The following KCNMA1 variants were observed in gnomAD, a reference collection of about 807,000 sequenced individuals.
The protein encoded by KCNMA1 is Calcium-activated potassium channel subunit alpha-1.
In KCNMA1, 29 loss-of-function variants were observed where a neutral mutation model predicts 140.0. The ratio of observed to expected loss-of-function variants is 0.21; its 90% confidence interval spans 0.15 to 0.28. The LOEUF (loss-of-function observed/expected upper bound fraction) is 0.28, where lower values mean the gene tolerates loss of function less well. Ranked by LOEUF, KCNMA1 falls within the 10% of genes least tolerant of loss-of-function variation. The pLI, the probability that KCNMA1 is intolerant of heterozygous loss-of-function variation, is 1.00. For synonymous variants in KCNMA1, 612 were observed against 611.9 expected (o/e 1.00, Z 0.00); for missense variants, 880 against 1,602.2 (o/e 0.55, Z 7.70).
chr10:77,262,138 C>T (rs1293110663), intron 2 of KCNMA1, among the ~76,000 whole-genome samples: 1 of 152,004 alleles, frequency 6.6e-6, no homozygotes, highest in African/African-American at 2.4e-5. Flanking sequence ...TTTGTTGCAG[C>T]CAAAAGGTAG....
rs949404552 is a variant in KCNMA1 at position 76,885,791 on chromosome 10, A to T, written c.*1475T>A. Reference sequence around the variant, plus strand: ...AAAGCATCTGACAACTATATGTTGAAAAAAGGGTATTTTTCTACCTCTCCT... The same window carrying T: ...AAAGCATCTGACAACTATATGTTGATAAAAGGGTATTTTTCTACCTCTCCT... On this transcript the variant is annotated 3_prime_UTR_variant, in exon 28 of 28. Transcript: ENST00000286628. 7 of 985,144 alleles carry T rather than the reference A, an allele frequency of 7.1e-6. No homozygotes were observed. The African/African-American group carries it at 1.2e-4, about 17-fold the overall frequency. The allele number at this position is 985,144 out of a possible 1,614,324, so 61.0% of individuals were successfully genotyped here. A position where few individuals can be genotyped will look rare whatever the true frequency, so the allele number is the denominator to read the frequency against.
chr10:76,890,309 T>C (rs920972024), intron 26 of KCNMA1, among the ~76,000 whole-genome samples: 3 of 152,294 alleles, frequency 2.0e-5, no homozygotes, highest in Middle Eastern at 3.4e-3. Flanking sequence ...ACCTGTATTA[T>C]ATGAAGGGCA....
chr10:77,168,835 C>T (rs1564946402), intron 5 of KCNMA1, among the ~76,000 whole-genome samples: 1 of 152,130 alleles, frequency 6.6e-6, no homozygotes, highest in Non-Finnish European at 1.5e-5. Flanking sequence ...AACATAGCTG[C>T]AAATCTAGAC....
intron 2 of KCNMA1, among the ~76,000 whole-genome samples, chr10:77,269,262 C>A (rs1394720135): frequency 2.0e-5 from 3 of 152,238 alleles, no homozygotes; most frequent in African/African-American, 7.2e-5. Context: ...CAAATCCATA[C>A]TGAGTTGTTA....
At chr10:77,378,218 T>C (rs1198266218) in intron 2 of KCNMA1, among the ~76,000 whole-genome samples, 1 of 152,190 alleles carries the variant, frequency 6.6e-6, no homozygotes, top group African/African-American at 2.4e-5. Flanking sequence ...CTCACTCATC[T>C]GGGTGGAATG....
At chr10:76,872,108 T>C (rs1478836064) in exon 28 of KCNMA1, 1 of 152,232 alleles carries the variant, frequency 6.6e-6, no homozygotes, top group Non-Finnish European at 1.5e-5. Flanking sequence ...TGCCTCATGT[T>C]CTTATTATAT....
intron 17 of KCNMA1, among the ~76,000 whole-genome samples, chr10:77,012,768 A>G (rs548914766): frequency 4.4e-4 from 67 of 152,334 alleles, no homozygotes; most frequent in Non-Finnish European, 7.1e-4. Context: ...TTATTGAAGC[A>G]ATAGGTAGGT....
chr10:77,108,407 CAAAA>C lies in KCNMA1; in HGVS notation c.1223+70_1223+73del, dbSNP rs35119991. ...ATGCATGAAACAAAGAAACAAGAGC[CAAAA>C]AAAAAAAAAAATGGCATGCAGAGAG... is the stretch of plus-strand genomic sequence containing the variant. On this transcript the variant is annotated intron_variant, in intron 9 of 27. Coordinates refer to ENST00000286628, the MANE Select transcript of KCNMA1 (RefSeq NM_001161352.2). The surrounding 1 kb of genome is among the most constrained non-coding windows in gnomAD (Gnocchi z 4.6). 0.11 allele frequency: 123,297 copies of C among 1,099,382 alleles called. 15 individuals are homozygous for C. Among genetic ancestry groups the C allele is most frequent in the South Asian group, 0.13 (7,918 of 60,626 alleles). The allele number at this position is 1,099,382 out of a possible 1,614,324, so 68.1% of individuals were successfully genotyped here. A position where few individuals can be genotyped will look rare whatever the true frequency, so the allele number is the denominator to read the frequency against.
At chr10:77,363,416 A>G (rs2094133855) in intron 2 of KCNMA1, among the ~76,000 whole-genome samples, 1 of 152,176 alleles carries the variant, frequency 6.6e-6, no homozygotes, top group Admixed American at 6.5e-5. Flanking sequence ...AAGGACACTC[A>G]ATGCCACTCC....
intron 13 of KCNMA1, among the ~76,000 whole-genome samples, chr10:77,078,691 A>C (rs1272062336): frequency 1.3e-5 from 2 of 152,146 alleles, no homozygotes; most frequent in Non-Finnish European, 2.9e-5. Flanking sequence ...CTACACCTTA[A>C]CTGCTAAATC....
intron 1 of KCNMA1, among the ~76,000 whole-genome samples, chr10:77,545,955 A>G (rs1405550678): frequency 1.3e-5 from 2 of 151,898 alleles, no homozygotes; most frequent in African/African-American, 4.8e-5. Context: ...CAAGCCCCCC[A>G]GCCCCCTGGG....
chr10:77,589,664 T>C (rs1052572994), intron 1 of KCNMA1, among the ~76,000 whole-genome samples: 3 of 152,042 alleles, frequency 2.0e-5, no homozygotes, highest in African/African-American at 7.3e-5. Context: ...GTCTGGAGTT[T>C]GTTCCTTCTG....
intron 13 of KCNMA1, among the ~76,000 whole-genome samples, chr10:77,074,006 A>T (rs1336802773): frequency 2.0e-5 from 3 of 152,220 alleles, no homozygotes; most frequent in Non-Finnish European, 2.9e-5. Context: ...CATAGAAAAT[A>T]CATTGGATGA....
intron 1 of KCNMA1, among the ~76,000 whole-genome samples, chr10:77,590,538 G>A (rs970085384): frequency 3.9e-5 from 6 of 152,212 alleles, no homozygotes; most frequent in Non-Finnish European, 5.9e-5. Context: ...CGCAAGCACC[G>A]CTGGCAGCCC....
intron 23 of KCNMA1, among the ~76,000 whole-genome samples, chr10:76,927,734 C>T (rs1020139223): frequency 4.6e-5 from 7 of 152,050 alleles, no homozygotes; most frequent in South Asian, 2.1e-4. Flanking sequence ...CACCACTTCG[C>T]GAAATCCTTG....
intron 2 of KCNMA1, among the ~76,000 whole-genome samples, chr10:77,380,199 T>A (rs2095333022): frequency 6.6e-6 from 1 of 152,182 alleles, no homozygotes; most frequent in African/African-American, 2.4e-5. Flanking sequence ...GGCATCACAC[T>A]CACTGTCACC....
intron 14 of KCNMA1, among the ~76,000 whole-genome samples, chr10:77,047,263 T>A (rs1172729944): frequency 1.3e-5 from 2 of 152,216 alleles, no homozygotes; most frequent in Non-Finnish European, 1.5e-5. Flanking sequence ...AATTTCGGAA[T>A]GGACTTGAGC....
chr10:77,326,694 T>C (rs1329948485), intron 2 of KCNMA1, among the ~76,000 whole-genome samples: 3 of 152,216 alleles, frequency 2.0e-5, no homozygotes, highest in Non-Finnish European at 4.4e-5. Context: ...TTACTGACCA[T>C]ATTAATGCTA....
At chr10:77,506,600 T>A (rs201190337) in intron 1 of KCNMA1, among the ~76,000 whole-genome samples, 479 of 71,586 alleles carry the variant, frequency 6.7e-3, no homozygotes, top group African/African-American at 0.016. Context: ...AGAGAGAGTG[T>A]GTGTGTGTGT....
Sources: gnomAD v4.1 joint callset for allele counts (sites outside exome capture counted in the v4.1 genomes callset) on GRCh38, gnomAD v4.1.1 for gene constraint, Gnocchi (gnomAD v3.1) non-coding constraint, MANE v1.5 for transcripts, NCBI Gene and HGNC (gene_info 2026-07-23, HGNC 2026-07-21) for gene names.